FUT9: variants seen among roughly 807,000 people sequenced by gnomAD.
The protein encoded by FUT9 is 4-galactosyl-N-acetylglucosaminide 3-alpha-L-fucosyltransferase 9.
In FUT9, 15 loss-of-function variants were observed where a neutral mutation model predicts 29.7. The observed-to-expected ratio is 0.51, with a 90% CI of 0.34 to 0.78. FUT9 has a LOEUF of 0.78. Ranked by LOEUF, FUT9 falls within the 30% of genes least tolerant of loss-of-function variation. The probability of loss-of-function intolerance (pLI) is 0.01; values close to 1 mark genes in which losing one functional copy is unlikely to be tolerated. For missense variants in FUT9, 319 were observed against 425.4 expected (o/e 0.75, Z 2.20); for synonymous variants, 169 against 153.7 (o/e 1.10, Z -0.74).
At chr6:96,070,174 C>T (rs1771034124) in intron 1 of FUT9, among the ~76,000 whole-genome samples, 1 of 152,136 alleles carries the variant, frequency 6.6e-6, no homozygotes, top group South Asian at 2.1e-4. Flanking sequence ...GACACCTATC[C>T]TAGTATGTTT....
At chr6:96,123,060 C>CA (rs56330234) in intron 2 of FUT9, among the ~76,000 whole-genome samples, 1 of 64,970 alleles carries the variant, frequency 1.5e-5, no homozygotes, top group African/African-American at 6.9e-5. Context: ...GACTCAGTCT[C>CA]AAAAAAAAAA....
At chr6:96,041,373 A>G (rs1291566077) in intron 1 of FUT9, among the ~76,000 whole-genome samples, 7 of 152,198 alleles carry the variant, frequency 4.6e-5, no homozygotes, top group Non-Finnish European at 1.0e-4. Flanking sequence ...ACTTACATGT[A>G]AATTTCATAA....
chr6:96,083,747 TAAAA>T (rs1035868077), intron 1 of FUT9, among the ~76,000 whole-genome samples: 1 of 152,018 alleles, frequency 6.6e-6, no homozygotes, highest in Non-Finnish European at 1.5e-5. Flanking sequence ...AAGAAATAAA[TAAAA>T]AAGAAATTCA....
At chr6:96,069,374 G>C (rs1440320092) in intron 1 of FUT9, among the ~76,000 whole-genome samples, 1 of 151,788 alleles carries the variant, frequency 6.6e-6, no homozygotes, top group Non-Finnish European at 1.5e-5. Flanking sequence ...AAATGAATGA[G>C]ATCTACAATA....
At chr6:96,119,586 G>C (rs1417276483) in intron 2 of FUT9, among the ~76,000 whole-genome samples, 1 of 152,142 alleles carries the variant, frequency 6.6e-6, no homozygotes, top group Non-Finnish European at 1.5e-5. Flanking sequence ...AAATAACAAT[G>C]TTCCCTGCTG....
intron 2 of FUT9, among the ~76,000 whole-genome samples, chr6:96,185,747 C>T (rs1415214726): frequency 2.0e-5 from 3 of 152,072 alleles, no homozygotes; most frequent in Non-Finnish European, 2.9e-5. Context: ...GATGTATTCT[C>T]TTCTAGTGGC....
chr6:96,028,243 A>T (rs1050068802), intron 1 of FUT9, among the ~76,000 whole-genome samples: 2 of 151,552 alleles, frequency 1.3e-5, no homozygotes, highest in African/African-American at 4.8e-5. Flanking sequence ...CTTCATGGAA[A>T]CACTGCGTTA....
chr6:96,050,022 C>T (rs1770636564), intron 1 of FUT9, among the ~76,000 whole-genome samples: 1 of 152,152 alleles, frequency 6.6e-6, no homozygotes, highest in African/African-American at 2.4e-5. Context: ...CCAGAATTCT[C>T]TGCTCACAAG....
At chr6:96,071,585 T>A (rs1464146494) in intron 1 of FUT9, among the ~76,000 whole-genome samples, 1 of 152,114 alleles carries the variant, frequency 6.6e-6, no homozygotes, top group Non-Finnish European at 1.5e-5. Context: ...GTCGTTTTAG[T>A]GAAGAGTATA....
chr6:96,111,105 C>A (rs981189053), intron 1 of FUT9, among the ~76,000 whole-genome samples: 2 of 152,156 alleles, frequency 1.3e-5, no homozygotes, highest in Non-Finnish European at 2.9e-5. Flanking sequence ...TACTAAGCAT[C>A]TGGGTCTTGG....
intron 2 of FUT9, among the ~76,000 whole-genome samples, chr6:96,120,792 C>T (rs1582246500): frequency 2.0e-5 from 3 of 151,178 alleles, no homozygotes; most frequent in Admixed American, 2.0e-4. Flanking sequence ...CAGAGCTCCA[C>T]TGTTTGTGAT....
At chr6:96,030,451 A>T (rs1159442266) in intron 1 of FUT9, among the ~76,000 whole-genome samples, 1 of 151,638 alleles carries the variant, frequency 6.6e-6, no homozygotes, top group Non-Finnish European at 1.5e-5. Context: ...TGAAAACAGA[A>T]CAAACAAACA....
At chr6:96,199,575 T>A (rs1180858450) in intron 2 of FUT9, among the ~76,000 whole-genome samples, 1 of 152,000 alleles carries the variant, frequency 6.6e-6, no homozygotes, top group Non-Finnish European at 1.5e-5. Context: ...GACTGAGACA[T>A]GGAACTAAAA....
intron 2 of FUT9, among the ~76,000 whole-genome samples, chr6:96,136,059 T>A (rs1772342715): frequency 6.6e-6 from 1 of 151,566 alleles, no homozygotes; most frequent in Non-Finnish European, 1.5e-5. Flanking sequence ...GGAAATCATG[T>A]AAAAGAGCTG....
chr6:96,120,531 C>A (rs2127964653), intron 2 of FUT9, among the ~76,000 whole-genome samples: 1 of 150,300 alleles, frequency 6.7e-6, no homozygotes, highest in African/African-American at 2.4e-5. Context: ...GATCCGCCCG[C>A]CTCGGCCTCC....
chr6:96,155,613 C>T (rs146602433), intron 2 of FUT9, among the ~76,000 whole-genome samples: 3,090 of 151,000 alleles, frequency 0.02, 56 homozygotes, highest in Non-Finnish European at 0.032. Flanking sequence ...GCGGAGCTTG[C>T]AGTGAGCCGA....
intron 1 of FUT9, among the ~76,000 whole-genome samples, chr6:96,069,056 C>A (rs1771008976): frequency 6.6e-6 from 1 of 152,170 alleles, no homozygotes; most frequent in Non-Finnish European, 1.5e-5. Flanking sequence ...GTGGCTTACG[C>A]CTGTCATTCC....
intron 2 of FUT9, among the ~76,000 whole-genome samples, chr6:96,195,465 T>A (rs1465975322): frequency 6.6e-6 from 1 of 152,088 alleles, no homozygotes; most frequent in African/African-American, 2.4e-5. Context: ...TCAACCAGTG[T>A]CTTCGTGCCA....
At chr6:96,065,424 T>G (rs1351556655) in intron 1 of FUT9, among the ~76,000 whole-genome samples, 3 of 152,106 alleles carry the variant, frequency 2.0e-5, no homozygotes, top group Non-Finnish European at 4.4e-5. Context: ...AAAAATATGT[T>G]TATTGAGAAG....
Sources: allele counts gnomAD v4.1 joint callset (sites outside exome capture counted in the v4.1 genomes callset), GRCh38; gene constraint gnomAD v4.1.1; transcripts MANE v1.5; gene names NCBI Gene and HGNC (gene_info 2026-07-23, HGNC 2026-07-21).